AKAP3: variants seen among roughly 807,000 people sequenced by gnomAD.
AKAP3 encodes A-kinase anchor protein 3.
Under a neutral mutation model 57.2 loss-of-function variants are expected in AKAP3, and 27 were observed. The observed-to-expected ratio is 0.47, with a 90% CI of 0.35 to 0.65. AKAP3 has a LOEUF of 0.65. Among genes scored for constraint, AKAP3 ranks in the 30% least tolerant of loss-of-function variants. The pLI, the probability that AKAP3 is intolerant of heterozygous loss-of-function variation, is 0.01. For missense variants in AKAP3, 959 were observed against 1,040.0 expected, an observed-to-expected ratio of 0.92 and a Z score of 1.07; for synonymous variants, 334 against 392.3, an observed-to-expected ratio of 0.85 and a Z score of 1.76.
chr12:4,642,886 T>A (rs1440929040), intron 2 of AKAP3, among the ~76,000 whole-genome samples: 1 of 152,220 alleles, frequency 6.6e-6, no homozygotes, highest in African/African-American at 2.4e-5. Context: ...GATAGTTCAT[T>A]TTTCCTTTTG....
At position 4,627,873 on chromosome 12, in the gene AKAP3, G is replaced by A. The variant is rs756876609; in HGVS notation, c.1029C>T (p.Ser343=). Residue 343 remains serine (S), a synonymous_variant, in exon 5 of 6, where the codon AGC becomes AGT. Coordinates refer to ENST00000228850, the MANE Select transcript of AKAP3 (RefSeq NM_001278309.2). ...LIDSFLRNLH[S]VTGTLMTDTQ... ...TGTCAGTCATGAGGGTCCCTGTGAC[G>A]CTGTGGAGATTCCTCAAGAAGGAGT... The A allele has an allele frequency of 1.3e-5, 21 of 1,613,986 alleles. No homozygotes were observed. Among genetic ancestry groups the A allele is most frequent in the Middle Eastern group, 1.6e-4 (1 of 6,082 alleles).
intron 4 of AKAP3, chr12:4,631,466 G>T: frequency 1.6e-6 from 1 of 638,518 alleles, no homozygotes; most frequent in East Asian, 2.8e-5. Context: ...CTCTATCAGT[G>T]TCTGTATCAC....
At chr12:4,629,767 G>A (rs1191359576) in intron 4 of AKAP3, among the ~76,000 whole-genome samples, 3 of 152,150 alleles carry the variant, frequency 2.0e-5, no homozygotes. Flanking sequence ...CTTATTACAA[G>A]TATAGTTTCC....
intron 5 of AKAP3, among the ~76,000 whole-genome samples, chr12:4,621,043 A>G (rs1174137471): frequency 6.6e-6 from 1 of 152,170 alleles, no homozygotes; most frequent in Non-Finnish European, 1.5e-5. Flanking sequence ...GTGGAAGGCA[A>G]TGGTATTGAT....
chr12:4,626,780 A>C lies in AKAP3; in HGVS notation c.2122T>G (p.Ser708Ala). Residue 708 changes from serine (S) to alanine (A), a missense_variant, in exon 5 of 6, where the codon TCG (serine) becomes GCG (alanine). Physicochemically the swap from Ser to Ala is moderately conservative, Grantham distance 99. Transcript: ENST00000228850. Reference protein sequence around the residue: ...DKSGDASRLTSAFPDSLYECL... With the variant: ...DKSGDASRLTAAFPDSLYECL... Reference sequence around the variant, plus strand: ...TCATATAAACTATCTGGGAAGGCCGAAGTTAGCCTACTGGCATCTCCAGAC... The same window carrying C: ...TCATATAAACTATCTGGGAAGGCCGCAGTTAGCCTACTGGCATCTCCAGAC... 6.2e-7 allele frequency: 1 copy of C among 1,611,970 alleles called. No homozygotes were observed.
At position 4,615,874 on chromosome 12, in the gene AKAP3, A is replaced by T; in HGVS notation, c.2427T>A (p.Ala809=). The change falls in exon 6 of 6, where the codon GCT becomes GCA. Residue 809 remains alanine, a synonymous_variant. Coordinates refer to ENST00000228850, the MANE Select transcript of AKAP3 (RefSeq NM_001278309.2). The part of the protein sequence containing the change: ...IQEKLLQLSA[A]AVDKGCSVGE... ...CCACACTGCATCCTTTGTCCACAGC[A>T]GCAGCTGAGAGCTGAAGTAGCTGTG... 1 of 1,614,230 alleles carries T rather than the reference A, an allele frequency of 6.2e-7. No individual in the cohort carries two copies. Among genetic ancestry groups the T allele is most frequent in the Admixed American group, 1.7e-5 (1 of 60,028 alleles).
chr12:4,618,362 G>A (rs568387009), intron 5 of AKAP3, among the ~76,000 whole-genome samples: 1 of 152,222 alleles, frequency 6.6e-6, no homozygotes, highest in African/African-American at 2.4e-5. Context: ...TAATTCAGAG[G>A]GGCCAGATTC....
chr12:4,621,006 G>C (rs1009844233), intron 5 of AKAP3, among the ~76,000 whole-genome samples: 1 of 151,890 alleles, frequency 6.6e-6, no homozygotes, highest in Non-Finnish European at 1.5e-5. Flanking sequence ...TTACCCTGAA[G>C]ACCTTCTAAT....
At position 4,649,049 on chromosome 12, in the gene AKAP3, G is replaced by C; in HGVS notation, c.-549C>G. The C allele has an allele frequency of 6.6e-7, 1 of 1,518,064 alleles. No individual in the cohort carries two copies. The highest frequency in any genetic ancestry group is 2.4e-5 in the East Asian group (1 of 41,320). The allele number at this position is 1,518,064 out of a possible 1,614,324, so 94.0% of individuals were successfully genotyped here. A position where few individuals can be genotyped will look rare whatever the true frequency, so the allele number is the denominator to read the frequency against. Reference sequence around the variant, plus strand: ...TTCTTGGTTAGCGCTTGCGCAGACAGGCGAGAAAGGTAAGTTTTGACCCAG... The same window carrying C: ...TTCTTGGTTAGCGCTTGCGCAGACACGCGAGAAAGGTAAGTTTTGACCCAG... On this transcript the variant is annotated 5_prime_UTR_variant, in exon 1 of 6. Coordinates refer to ENST00000228850, the MANE Select transcript of AKAP3 (RefSeq NM_001278309.2).
rs1945603409 is a variant in AKAP3 at position 4,639,135 on chromosome 12, T to C, written c.1-939A>G. Among the ~76,000 whole-genome samples, 3 of 152,228 alleles carry C rather than the reference T, an allele frequency of 2.0e-5. No homozygotes were observed. The South Asian group carries it at 6.2e-4, about 31-fold the overall frequency. On this transcript the variant is annotated intron_variant, in intron 3 of 5. Transcript: ENST00000228850. ...TATGTACTCCTTTGGGCTTTGGCCT[T>C]AGTCTCACACACTTTCCACAACACC...
Position 4,638,137 on chromosome 12 carries a change from A to G in AKAP3, c.60T>C (p.Tyr20=), listed in dbSNP as rs1945589032. 2.5e-6 allele frequency: 4 copies of G among 1,613,892 alleles called. No homozygotes were observed. Among genetic ancestry groups the G allele is most frequent in the Non-Finnish European group, 3.4e-6 (4 of 1,179,954 alleles). The change falls in exon 4 of 6, where the codon TAT becomes TAC. Residue 20 remains tyrosine, a synonymous_variant. Transcript: ENST00000228850. ...CCTGGGCTTGGTTGTCTCCAGGAGA[A>G]TAGACATCAACTTTGCATACTCCAT... The part of the protein sequence containing the change: ...SQNGVCKVDV[Y]SPGDNQAQDW...
chr12:4,619,083 CTCA>C (rs1945317313), intron 5 of AKAP3, among the ~76,000 whole-genome samples: 1 of 152,140 alleles, frequency 6.6e-6, no homozygotes, highest in Non-Finnish European at 1.5e-5. Context: ...CTCAATATTT[CTCA>C]TCATTTTAAT....
chr12:4,617,289 G>C (rs1234255932), intron 5 of AKAP3, among the ~76,000 whole-genome samples: 1 of 152,222 alleles, frequency 6.6e-6, no homozygotes, highest in Non-Finnish European at 1.5e-5. Flanking sequence ...ATAAAACTGA[G>C]AGAATTCATT....
chr12:4,638,627 T>A (rs2137445839), intron 3 of AKAP3, among the ~76,000 whole-genome samples: 1 of 152,332 alleles, frequency 6.6e-6, no homozygotes, highest in East Asian at 1.9e-4. Flanking sequence ...AACTTAGCTT[T>A]TAAGTAATTG....
At chr12:4,639,156 A>G (rs577458187) in intron 3 of AKAP3, among the ~76,000 whole-genome samples, 17 of 152,112 alleles carry the variant, frequency 1.1e-4, no homozygotes, top group Non-Finnish European at 2.5e-4. Flanking sequence ...ACTTTCCACA[A>G]CACCGAATCT....
intron 5 of AKAP3, among the ~76,000 whole-genome samples, chr12:4,619,481 T>C (rs976428592): frequency 6.6e-6 from 1 of 151,716 alleles, no homozygotes; most frequent in African/African-American, 2.4e-5. Context: ...CGCTTAAGCC[T>C]AGGGAGTTTG....
Position 4,615,646 on chromosome 12 carries a change from G to T in AKAP3, c.*93C>A. The T allele has an allele frequency of 7.0e-7, 1 of 1,438,602 alleles. No homozygotes were observed. The highest frequency in any genetic ancestry group is 9.5e-7 in the Non-Finnish European group (1 of 1,051,040). The allele number at this position is 1,438,602 out of a possible 1,614,324, so 89.1% of individuals were successfully genotyped here. On this transcript the variant is annotated 3_prime_UTR_variant, in exon 6 of 6. Coordinates refer to ENST00000228850, the MANE Select transcript of AKAP3 (RefSeq NM_001278309.2). ...TGAAGATAATGTTAGGGCTCTGTGA[G>T]GATATAGAGGGGGAGATGTGGAAGT...
At chr12:4,631,531 A>C (rs1197138099) in intron 4 of AKAP3, 2 of 578,310 alleles carry the variant, frequency 3.5e-6, no homozygotes, top group Non-Finnish European at 6.1e-6. Context: ...CTTCCCCCAG[A>C]GAGTATTAAT....
At chr12:4,616,361 A>C (rs1565546725) in intron 5 of AKAP3, among the ~76,000 whole-genome samples, 1 of 152,228 alleles carries the variant, frequency 6.6e-6, no homozygotes, top group African/African-American at 2.4e-5. Flanking sequence ...AGCAGAACCA[A>C]AATTCATTGC....
Sources: allele counts gnomAD v4.1 joint callset (sites outside exome capture counted in the v4.1 genomes callset), GRCh38; gene constraint gnomAD v4.1.1; transcripts MANE v1.5; gene names NCBI Gene and HGNC (gene_info 2026-07-23, HGNC 2026-07-21).